The following LINGO3 variants were observed in gnomAD, a reference collection of about 807,000 sequenced individuals.
LINGO3 encodes the protein leucine-rich repeat and immunoglobulin-like domain-containing nogo receptor-interacting protein 3.
For missense variants in LINGO3, 750 were observed against 867.7 expected, an observed-to-expected ratio of 0.86 and a Z score of 1.70; for synonymous variants, 427 against 444.2, an observed-to-expected ratio of 0.96 and a Z score of 0.49.
the LINGO3 span, among the ~76,000 whole-genome samples, chr19:2,305,790 T>G: frequency 6.6e-6 from 1 of 152,184 alleles, no homozygotes; most frequent in Non-Finnish European, 1.5e-5. Flanking sequence ...GTGCTCTGGA[T>G]GCCCCGTTTG....
chr19:2,290,735 G>A lies in LINGO3; in HGVS notation c.1042C>T (p.Arg348Cys), dbSNP rs1272432035. 1.2e-6 allele frequency: 2 copies of A among 1,612,546 alleles called. No homozygotes were observed. The highest frequency in any genetic ancestry group is 1.7e-6 in the Non-Finnish European group (2 of 1,179,586). Residue 348 changes from arginine (R) to cysteine (C), a missense_variant, in exon 1 of 1, where the codon CGC (arginine) becomes TGC (cysteine). Physicochemically the swap from Arg to Cys is radical, Grantham distance 180. Coordinates refer to ENST00000585527, the Ensembl canonical transcript of LINGO3. This position sits in a 1 kb window ranked among gnomAD's most constrained non-coding sequence, Gnocchi z 6.0. ...CAGGCCAGCGGGTTCCCGTCCACGC[G>A]CAGCGTCTCTAGCGTGTTCACCGAG...
the LINGO3 span, among the ~76,000 whole-genome samples, chr19:2,304,710 CTTTTTTTTTTTTT>C: frequency 1.4e-5 from 1 of 73,254 alleles, no homozygotes; most frequent in East Asian, 4.3e-4. Flanking sequence ...CCATGTCCTG[CTTTTTTTTTTTTT>C]TTTTTTTTTT....
upstream of LINGO3, among the ~76,000 whole-genome samples, chr19:2,293,268 G>A (rs1055215267): frequency 1.3e-5 from 2 of 151,636 alleles, no homozygotes; most frequent in Admixed American, 6.6e-5. Context: ...ATTTCACCGT[G>A]TTAGCCAGGA....
At chr19:2,292,827 A>G (rs1260895812), upstream of LINGO3, among the ~76,000 whole-genome samples, 1 of 152,048 alleles carries the variant, frequency 6.6e-6, no homozygotes, top group Admixed American at 6.6e-5. Flanking sequence ...TGGAACACAC[A>G]GCGCACGGAA....
the LINGO3 span, among the ~76,000 whole-genome samples, chr19:2,297,888 G>A: frequency 6.6e-6 from 1 of 151,252 alleles, no homozygotes; most frequent in African/African-American, 2.4e-5. Context: ...TACAGTGTGA[G>A]CCACCGCGCC....
At chr19:2,294,897 C>G (rs902936450), upstream of LINGO3, among the ~76,000 whole-genome samples, 2 of 152,100 alleles carry the variant, frequency 1.3e-5, no homozygotes, top group African/African-American at 4.8e-5. The surrounding 1 kb of genome is among the most constrained non-coding windows in gnomAD (Gnocchi z 4.3). Flanking sequence ...CCGCCTCCCC[C>G]GCCAGCCGGC....
the LINGO3 span, among the ~76,000 whole-genome samples, chr19:2,305,019 G>A: frequency 6.6e-6 from 1 of 152,158 alleles, no homozygotes; most frequent in African/African-American, 2.4e-5. Context: ...TCATGCCCTG[G>A]TTTTACGCCA....
At chr19:2,295,102 G>A (rs1434560067), upstream of LINGO3, among the ~76,000 whole-genome samples, 8 of 152,070 alleles carry the variant, frequency 5.3e-5, no homozygotes, top group Non-Finnish European at 1.0e-4. Context: ...GCGGAGCCCC[G>A]GGAGACTGCT....
upstream of LINGO3, among the ~76,000 whole-genome samples, chr19:2,293,286 G>A (rs1010810517): frequency 1.3e-5 from 2 of 151,352 alleles, no homozygotes; most frequent in African/African-American, 2.4e-5. Context: ...GGATGGTCTC[G>A]ATCTCCTGAC....
At chr19:2,303,482 C>T in the LINGO3 span, among the ~76,000 whole-genome samples, 4 of 145,498 alleles carry the variant, frequency 2.7e-5, no homozygotes, top group Non-Finnish European at 3.0e-5. Flanking sequence ...CGAGGCTGGC[C>T]GGGGGTGTGT....
Position 2,291,716 on chromosome 19 carries a change from G to T in LINGO3, c.61C>A (p.Pro21Thr), listed in dbSNP as rs547609531. ...CAGCGGGCCGGGCAGCCTCCAGCCGGGGGCGGCGCCGCGGGCAGCAGGAGC... is the reference window on the plus strand; with the variant it reads ...CAGCGGGCCGGGCAGCCTCCAGCCGTGGGCGGCGCCGCGGGCAGCAGGAGC... Residue 21 changes from proline to threonine, a missense_variant, in exon 1 of 1, where the codon CCG becomes ACG. Pro to Thr is a conservative substitution (Grantham distance 38, BLOSUM62 -1). Transcript: ENST00000585527. 1.0e-4 allele frequency: 135 copies of T among 1,342,148 alleles called. 1 individual carries two copies. In the African/African-American group the frequency reaches 1.8e-3, roughly 18 times the overall value. The allele number at this position is 1,342,148 out of a possible 1,614,324, so 83.1% of individuals were successfully genotyped here. A position where few individuals can be genotyped will look rare whatever the true frequency, so the allele number is the denominator to read the frequency against.
chr19:2,293,016 T>C (rs1218938390), upstream of LINGO3, among the ~76,000 whole-genome samples: 1 of 152,118 alleles, frequency 6.6e-6, no homozygotes, highest in Non-Finnish European at 1.5e-5. Context: ...GAGGACGCCA[T>C]GCTCAGTGAG....
At chr19:2,292,171 C>A, upstream of LINGO3, 3 of 211,478 alleles carry the variant, frequency 1.4e-5, no homozygotes, top group South Asian at 4.7e-5. Context: ...CTGGGCAACA[C>A]GGTGAGACCC....
In LINGO3 at chr19:2,291,172, G is replaced by A. The variant is rs2025516204; in HGVS notation, c.605C>T (p.Ala202Val). The change falls in exon 1 of 1, where the codon GCC (alanine) becomes GTC (valine). Residue 202 changes from alanine to valine, a missense_variant. Transcript: ENST00000585527. The stretch of plus-strand genomic sequence containing the variant: ...GATGGCCAGGTGGCGCAGCCGCAGG[G>A]CGCCCAGGCTGCGCAGATGGCCCAG... The A allele has an allele frequency of 6.2e-7, 1 of 1,607,754 alleles. No individual in the cohort carries two copies. The highest frequency in any genetic ancestry group is 8.5e-7 in the Non-Finnish European group (1 of 1,178,062).
At chr19:2,306,596 A>G in the LINGO3 span, among the ~76,000 whole-genome samples, 9 of 152,206 alleles carry the variant, frequency 5.9e-5, no homozygotes, top group Admixed American at 2.0e-4. Context: ...TGACCTGAGC[A>G]TCTGTTTTAT....
Position 2,291,245 on chromosome 19 carries a change from C to A in LINGO3, c.532G>T (p.Glu178Ter). ...AGGTTGCAGCGCTCCAGGGTCAGCT[C>A]CTCCAGGGCCAGCAGCCCCGCGAAG... The change falls in exon 1 of 1, where the codon GAG (glutamate) becomes TAG (stop). Residue 178 changes from glutamate (E) to a stop codon, truncating the protein, a stop_gained. Coordinates refer to ENST00000585527, the Ensembl canonical transcript of LINGO3. LOFTEE classifies it low-confidence loss of function (END_TRUNC). The A allele has an allele frequency of 3.7e-6, 6 of 1,611,922 alleles. No homozygotes were observed. Among genetic ancestry groups the A allele is most frequent in the Non-Finnish European group, 5.1e-6 (6 of 1,179,430 alleles).
upstream of LINGO3, among the ~76,000 whole-genome samples, chr19:2,296,437 G>A (rs1031126313): frequency 6.6e-6 from 1 of 152,198 alleles, no homozygotes; most frequent in Non-Finnish European, 1.5e-5. Flanking sequence ...CTGAGATCGC[G>A]CCGCTGCACT....
the LINGO3 span, among the ~76,000 whole-genome samples, chr19:2,304,586 C>T: frequency 3.3e-5 from 5 of 151,826 alleles, no homozygotes; most frequent in African/African-American, 1.2e-4. Flanking sequence ...TGTGCTGAGG[C>T]TATGAAGGGA....
At position 2,290,370 on chromosome 19, in the gene LINGO3, G is replaced by A. The variant is rs2145085317; in HGVS notation, c.1407C>T (p.Asp469=). Residue 469 remains aspartate, a synonymous_variant, in exon 1 of 1, where the codon GAC becomes GAT. Transcript: ENST00000585527. The surrounding 1 kb of genome is among the most constrained non-coding windows in gnomAD (Gnocchi z 6.0). ...AGGTGCCGCTGTCCTGCGGCCGCGC[G>A]TCCTGGATCTCCAGCGTCCCCCCGG... 5.4e-6 allele frequency: 8 copies of A among 1,485,524 alleles called. No homozygotes were observed. The highest frequency in any genetic ancestry group is 5.7e-5 in the East Asian group (2 of 35,388). The allele number at this position is 1,485,524 out of a possible 1,614,324, so 92.0% of individuals were successfully genotyped here.
Sources: gnomAD v4.1 joint callset for allele counts (sites outside exome capture counted in the v4.1 genomes callset) on GRCh38, gnomAD v4.1.1 for gene constraint, Gnocchi (gnomAD v3.1) non-coding constraint, MANE v1.5 for transcripts, NCBI Gene and HGNC (gene_info 2026-07-23, HGNC 2026-07-21) for gene names.